FBXO17: variants seen among roughly 807,000 people sequenced by gnomAD.
The protein encoded by FBXO17 is F-box only protein 17.
Under a neutral mutation model 34.1 loss-of-function variants are expected in FBXO17, and 43 were observed. The ratio of observed to expected loss-of-function variants is 1.26; its 90% CI spans 0.99 to 1.62. The LOEUF (loss-of-function observed/expected upper bound fraction) is 1.62. Ranked by LOEUF, FBXO17 falls within the 40% of genes most tolerant of loss-of-function variation. The pLI is 0.00. For missense variants in FBXO17, 424 were observed against 386.7 expected (o/e 1.10, Z -0.81); for synonymous variants, 169 against 166.0 (o/e 1.02, Z -0.14).
At chr19:38,957,087 T>A (rs930010215) in intron 1 of FBXO17, among the ~76,000 whole-genome samples, 1 of 151,782 alleles carries the variant, frequency 6.6e-6, no homozygotes, top group Admixed American at 6.6e-5. Flanking sequence ...GCTGTGCTTT[T>A]CTCCAGGTGG....
At chr19:38,948,092 T>G (rs1975013100) in intron 3 of FBXO17, among the ~76,000 whole-genome samples, 1 of 151,860 alleles carries the variant, frequency 6.6e-6, no homozygotes, top group Non-Finnish European at 1.5e-5. Flanking sequence ...CTGCAACATT[T>G]GCCTCCTGGG....
intron 1 of FBXO17, among the ~76,000 whole-genome samples, chr19:38,958,428 A>AAAAAAT (rs1975199931): frequency 6.8e-6 from 1 of 147,620 alleles, no homozygotes. Flanking sequence ...AAAAAAAAAA[A>AAAAAAT]GGAAAGAGGA....
intron 1 of FBXO17, among the ~76,000 whole-genome samples, chr19:38,972,028 A>G (rs931350534): frequency 1.3e-5 from 2 of 152,200 alleles, no homozygotes; most frequent in African/African-American, 4.8e-5. Context: ...GGAGGATGAC[A>G]GCAACGTGCC....
chr19:38,946,841 T>C lies in FBXO17; in HGVS notation c.462-274A>G, dbSNP rs1285599984. 1.9e-5 allele frequency: 9 copies of C among 464,986 alleles called. No homozygotes were observed. The Admixed American group carries it at 2.2e-4, about 12-fold the overall frequency. The allele number at this position is 464,986 out of a possible 1,614,324, so 28.8% of individuals were successfully genotyped here. Reference sequence around the variant, plus strand: ...TTGTGGGACAGGACATGACTACAAATGAAGGCCACATACTAGACATGTGAG... The same window carrying C: ...TTGTGGGACAGGACATGACTACAAACGAAGGCCACATACTAGACATGTGAG... On this transcript the variant is annotated intron_variant, in intron 3 of 5. Coordinates refer to ENST00000292852, the MANE Select transcript of FBXO17 (RefSeq NM_024907.7).
At position 38,945,032 on chromosome 19, in the gene FBXO17, T is replaced by C. The variant is rs774972889; in HGVS notation, c.630A>G (p.Glu210=). The change falls in exon 5 of 6, where the codon GAA becomes GAG. Residue 210 remains glutamate (E), a synonymous_variant. Coordinates refer to ENST00000292852, the MANE Select transcript of FBXO17 (RefSeq NM_024907.7). ...RVRLLDVYEK[E]VVKFSASPDP... The stretch of plus-strand genomic sequence containing the variant: ...CAGGTGAGGCTGAGAACTTGACCAC[T>C]TCCTTTTCATACACATCCAGAAGGC... 1 of 1,614,058 alleles carries C rather than the reference T, an allele frequency of 6.2e-7. No individual in the cohort carries two copies.
At chr19:38,959,143 C>G (rs1433962078) in intron 1 of FBXO17, among the ~76,000 whole-genome samples, 2 of 151,428 alleles carry the variant, frequency 1.3e-5, no homozygotes, top group African/African-American at 4.9e-5. Flanking sequence ...TTCCTGGGCT[C>G]AAGTGATCCT....
Position 38,944,957 on chromosome 19 carries a change from G to A in FBXO17, c.693+12C>T, listed in dbSNP as rs377113277. ...GCGGGTCGGGGGGAGCTGGAAGCTAGTCTGGACCCACCTGTCGGCAGCCCC... is the reference window on the plus strand; with the variant it reads ...GCGGGTCGGGGGGAGCTGGAAGCTAATCTGGACCCACCTGTCGGCAGCCCC... On this transcript the variant is annotated intron_variant, in intron 5 of 5. Transcript: ENST00000292852. 97 of 1,614,086 alleles carry A rather than the reference G, an allele frequency of 6.0e-5. 1 individual carries two copies. The African/African-American group carries it at 1.2e-3, about 20-fold the overall frequency.
intron 3 of FBXO17, among the ~76,000 whole-genome samples, chr19:38,947,655 T>C (rs541754616): frequency 1.3e-5 from 2 of 152,274 alleles, no homozygotes; most frequent in South Asian, 4.1e-4. Flanking sequence ...AGAAACTTCA[T>C]AAACTGTAGA....
intron 1 of FBXO17, among the ~76,000 whole-genome samples, chr19:38,960,447 C>A (rs1274732316): frequency 1.3e-5 from 2 of 152,172 alleles, no homozygotes; most frequent in African/African-American, 4.8e-5. Flanking sequence ...GAACAGCTGG[C>A]GCTCCTTAGA....
chr19:38,946,121 A>G (rs1974979256), intron 4 of FBXO17: 2 of 329,176 alleles, frequency 6.1e-6, no homozygotes, highest in Non-Finnish European at 1.1e-5. Flanking sequence ...ATGCTCCCTG[A>G]GCCTCAGCTC....
At chr19:38,967,709 T>G (rs887805124) in intron 1 of FBXO17, among the ~76,000 whole-genome samples, 2 of 151,866 alleles carry the variant, frequency 1.3e-5, no homozygotes, top group African/African-American at 4.8e-5. Flanking sequence ...GGACTACAGA[T>G]GCACCCACCA....
intron 1 of FBXO17, among the ~76,000 whole-genome samples, chr19:38,962,706 CTTTT>C (rs570563556): frequency 6.6e-6 from 1 of 150,554 alleles, no homozygotes; most frequent in South Asian, 2.1e-4. Flanking sequence ...TTCTTTCTTT[CTTTT>C]TTCTTTTTCT....
chr19:38,954,204 T>C (rs1337849454), intron 1 of FBXO17, among the ~76,000 whole-genome samples: 3 of 151,882 alleles, frequency 2.0e-5, no homozygotes, highest in Non-Finnish European at 4.4e-5. Flanking sequence ...AGGCTGGATT[T>C]AACCAGGGTC....
Position 38,950,140 on chromosome 19 carries a change from C to A in FBXO17, c.180G>T (p.Leu60=). The A allele has an allele frequency of 6.4e-7, 1 of 1,563,036 alleles. No individual in the cohort carries two copies. Among genetic ancestry groups the A allele is most frequent in the Non-Finnish European group, 8.6e-7 (1 of 1,158,768 alleles). Residue 60 remains leucine, a synonymous_variant, in exon 2 of 6, where the codon CTG becomes CTT. Coordinates refer to ENST00000292852, the MANE Select transcript of FBXO17 (RefSeq NM_024907.7). The part of the protein sequence containing the change: ...RDIVDGPTVW[L]LQLARDRSAE... ...CGCTGCGGTCGCGGGCCAGCTGCAG[C>A]AGCCACACAGTGGGCCCGTCCACTA...
At position 38,950,091 on chromosome 19, in the gene FBXO17, C is replaced by T; in HGVS notation, c.229G>A (p.Val77Met). Residue 77 changes from valine to methionine, a missense_variant, in exon 2 of 6, where the codon GTG becomes ATG. Physicochemically the swap from Val to Met is conservative, Grantham distance 21. Transcript: ENST00000292852. ...TTGCTGGGCAGGCAGCGTTGAGCCA[C>T]TGCGTAGAGTGCGCGGCCCTCGGCG... ...RSAEGRALYA[V>M]AQRCLPSNED... 1 of 1,566,494 alleles carries T rather than the reference C, an allele frequency of 6.4e-7. No individual in the cohort carries two copies. Among genetic ancestry groups the T allele is most frequent in the East Asian group, 2.4e-5 (1 of 41,864 alleles).
intron 5 of FBXO17, 35 bp downstream of exon 5, chr19:38,944,934 G>C: frequency 1.2e-6 from 2 of 1,611,742 alleles, no homozygotes; most frequent in Non-Finnish European, 1.7e-6. Flanking sequence ...TGCCTTTAGC[G>C]GGTCGGGGGG....
At chr19:38,948,539 A>G in intron 3 of FBXO17, 28 bp downstream of exon 3, 1 of 1,587,560 alleles carries the variant, frequency 6.3e-7, no homozygotes, top group Non-Finnish European at 8.6e-7. Flanking sequence ...TGCCCCAGGG[A>G]TCGGGGCCTC....
intron 1 of FBXO17, among the ~76,000 whole-genome samples, chr19:38,973,204 C>T (rs373255167): frequency 2.0e-5 from 3 of 152,028 alleles, no homozygotes; most frequent in Non-Finnish European, 4.4e-5. Context: ...GAAACCCCAT[C>T]TCTACTAAAA....
chr19:38,959,891 G>A (rs948551298), intron 1 of FBXO17, among the ~76,000 whole-genome samples: 2 of 151,840 alleles, frequency 1.3e-5, no homozygotes, highest in Non-Finnish European at 2.9e-5. Context: ...GTGAGACTCT[G>A]TCTCCAAAAA....
Sources: allele counts gnomAD v4.1 joint callset (sites outside exome capture counted in the v4.1 genomes callset), GRCh38; gene constraint gnomAD v4.1.1; transcripts MANE v1.5; gene names NCBI Gene and HGNC (gene_info 2026-07-23, HGNC 2026-07-21).